PRKN: variants seen among roughly 807,000 people sequenced by gnomAD.
PRKN encodes the protein E3 ubiquitin-protein ligase parkin.
A neutral mutation model predicts 59.5 loss-of-function variants in PRKN; 56 were observed. The observed-to-expected ratio is 0.94, with a 90% CI of 0.76 to 1.18. PRKN has a LOEUF of 1.18. PRKN is among the 50% of genes most tolerant of loss of function. The probability of loss-of-function intolerance (pLI) is 0.00; values close to 1 mark genes in which losing one functional copy is unlikely to be tolerated. For missense variants in PRKN, 657 were observed against 596.4 expected (o/e 1.10, Z -1.06); for synonymous variants, 250 against 222.1 (o/e 1.13, Z -1.12).
At chr6:162,544,771 G>A (rs1180219734) in intron 1 of PRKN, among the ~76,000 whole-genome samples, 12 of 147,870 alleles carry the variant, frequency 8.1e-5, no homozygotes, top group African/African-American at 2.2e-4. Flanking sequence ...TCCGCCTCCC[G>A]GGTTGAAGCC....
At chr6:161,540,167 T>C (rs1220168798) in intron 9 of PRKN, among the ~76,000 whole-genome samples, 2 of 152,280 alleles carry the variant, frequency 1.3e-5, no homozygotes, top group East Asian at 3.9e-4. Flanking sequence ...TCTTCTGACA[T>C]GGAAAACAAA....
At chr6:162,144,235 A>G (rs1022691825) in intron 4 of PRKN, among the ~76,000 whole-genome samples, 4 of 152,198 alleles carry the variant, frequency 2.6e-5, no homozygotes, top group Non-Finnish European at 4.4e-5. Context: ...AGAAAAGCAC[A>G]AATCTCCAAT....
At chr6:162,692,119 A>G (rs2128235257) in intron 1 of PRKN, among the ~76,000 whole-genome samples, 1 of 152,066 alleles carries the variant, frequency 6.6e-6, no homozygotes, top group African/African-American at 2.4e-5. Flanking sequence ...CTATGCCTGC[A>G]CAATGTGCAC....
chr6:161,856,122 G>A (rs192565058), intron 6 of PRKN, among the ~76,000 whole-genome samples: 1 of 152,168 alleles, frequency 6.6e-6, no homozygotes, highest in Non-Finnish European at 1.5e-5. Context: ...CACTTTGGGA[G>A]GCCGAGGTGG....
chr6:162,620,047 A>G (rs919913352), intron 1 of PRKN, among the ~76,000 whole-genome samples: 2 of 55,274 alleles, frequency 3.6e-5, no homozygotes, highest in Non-Finnish European at 6.6e-5. Flanking sequence ...TATCAAATAC[A>G]TATTATTTCT....
At chr6:162,403,082 T>C (rs1787878451) in intron 2 of PRKN, among the ~76,000 whole-genome samples, 2 of 152,172 alleles carry the variant, frequency 1.3e-5, no homozygotes, top group Non-Finnish European at 2.9e-5. Context: ...GATTTATATC[T>C]TTTCCGCCTT....
chr6:162,117,835 G>T (rs796104180), intron 4 of PRKN, among the ~76,000 whole-genome samples: 13 of 152,300 alleles, frequency 8.5e-5, no homozygotes, highest in African/African-American at 3.1e-4. Context: ...GGTGGCTCAT[G>T]CCTATAATCC....
intron 5 of PRKN, among the ~76,000 whole-genome samples, chr6:162,011,210 A>AGT (rs1782652263): frequency 1.2e-5 from 1 of 80,826 alleles, no homozygotes; most frequent in Non-Finnish European, 2.5e-5. Context: ...TATTATATAT[A>AGT]ATATAGTATA....
chr6:162,014,099 T>C (rs547179287), intron 5 of PRKN, among the ~76,000 whole-genome samples: 2 of 152,232 alleles, frequency 1.3e-5, no homozygotes, highest in Non-Finnish European at 2.9e-5. Flanking sequence ...TCCCATTCAG[T>C]TCCTACTCAC....
chr6:161,398,239 CACAGATAGAGAGGAG>C (rs1354443368), intron 9 of PRKN, among the ~76,000 whole-genome samples: 2 of 152,074 alleles, frequency 1.3e-5, no homozygotes, highest in Non-Finnish European at 2.9e-5. Flanking sequence ...AGAGGAGAGT[CACAGATAGAGAGGAG>C]GCTGAAACAG....
At position 161,516,008 on chromosome 6, in the gene PRKN, C is replaced by T. The variant is rs532231840; in HGVS notation, c.1083+32846G>A. Among the ~76,000 whole-genome samples, 11 of 152,264 alleles carry T rather than the reference C, an allele frequency of 7.2e-5. No individual in the cohort carries two copies. In the South Asian group the frequency reaches 2.3e-3, roughly 32 times the overall value. The stretch of plus-strand genomic sequence containing the variant: ...TATCTCAGTGACCTGTAAGTAGTGC[C>T]TATAATTATTAAAAATAACCATCAA... On this transcript the variant is annotated intron_variant, in intron 9 of 11. Transcript: ENST00000366898.
chr6:161,423,893 T>A lies in PRKN; in HGVS notation c.1084-37016A>T, dbSNP rs1788214759. Among the ~76,000 whole-genome samples the A allele has an allele frequency of 6.6e-6, 1 of 152,210 alleles. No homozygotes were observed. Among genetic ancestry groups the A allele is most frequent in the South Asian group, 2.1e-4 (1 of 4,832 alleles). Reference sequence around the variant, plus strand: ...AGATCAGTTAAATGAATGAATATGATCTTTACTATTAGGTTTCTGGTGATT... The same window carrying A: ...AGATCAGTTAAATGAATGAATATGAACTTTACTATTAGGTTTCTGGTGATT... On this transcript the variant is annotated intron_variant, in intron 9 of 11. Transcript: ENST00000366898. This position sits in a 1 kb window ranked among gnomAD's most constrained non-coding sequence, Gnocchi z 5.9.
chr6:161,569,896 T>TG (rs998721844), intron 7 of PRKN, among the ~76,000 whole-genome samples: 1 of 151,954 alleles, frequency 6.6e-6, no homozygotes, highest in Admixed American at 6.6e-5. Flanking sequence ...ATCCATTCTT[T>TG]GGGGGGCTCA....
Position 162,122,716 on chromosome 6 carries a change from T to TTCTATCTATCTA in PRKN, c.535-68554_535-68543dup, listed in dbSNP as rs71544924. ...TTTGGATAGCCTGGGGCTCAATCTG[T>TTCTATCTATCTA]TCTATCTATCTATCTATCTATCTAT... On this transcript the variant is annotated intron_variant, in intron 4 of 11. Transcript: ENST00000366898. 4.5e-3 allele frequency among the ~76,000 whole-genome samples: 669 copies of TTCTATCTATCTA among 147,914 alleles called. 4 individuals are homozygous for TTCTATCTATCTA. Among genetic ancestry groups the TTCTATCTATCTA allele is most frequent in the African/African-American group, 7.3e-3 (289 of 39,802 alleles).
At chr6:161,598,774 C>G (rs951814243) in intron 7 of PRKN, among the ~76,000 whole-genome samples, 3 of 152,194 alleles carry the variant, frequency 2.0e-5, no homozygotes, top group African/African-American at 7.2e-5. Context: ...CTTCTTCCAA[C>G]TATCCTTTTT....
At chr6:162,319,658 T>C (rs1583371546) in intron 2 of PRKN, among the ~76,000 whole-genome samples, 1 of 151,990 alleles carries the variant, frequency 6.6e-6, no homozygotes, top group African/African-American at 2.4e-5. Flanking sequence ...CAAATGAAAA[T>C]AGGCTTGGGA....
In PRKN at chr6:162,637,477, G is replaced by A. The variant is rs1009163598; in HGVS notation, c.7+90185C>T. On this transcript the variant is annotated intron_variant, in intron 1 of 11. Transcript: ENST00000366898. ...TCAAAGTCTTACATGAGAAACCCCTGAGCACAGCTGACAGGAGCTGGACAT... is the reference window on the plus strand; with the variant it reads ...TCAAAGTCTTACATGAGAAACCCCTAAGCACAGCTGACAGGAGCTGGACAT... 4.6e-5 allele frequency among the ~76,000 whole-genome samples: 7 copies of A among 152,214 alleles called. No homozygotes were observed. The East Asian group carries it at 9.7e-4, about 21-fold the overall frequency.
intron 7 of PRKN, among the ~76,000 whole-genome samples, chr6:161,693,430 A>G (rs1233421464): frequency 1.3e-5 from 2 of 152,200 alleles, no homozygotes; most frequent in East Asian, 3.8e-4. Context: ...CCAAGGAATG[A>G]AAGTTGGCAA....
At position 161,410,753 on chromosome 6, in the gene PRKN, T is replaced by C. The variant is rs1004339962; in HGVS notation, c.1084-23876A>G. On this transcript the variant is annotated intron_variant, in intron 9 of 11. Transcript: ENST00000366898. This position sits in a 1 kb window ranked among gnomAD's most constrained non-coding sequence, Gnocchi z 5.3. ...CAACAGTGCCATGGGAAATGCATCA[T>C]TGGTGCTCATGACAACGGCACGCCA... Among the ~76,000 whole-genome samples the C allele has an allele frequency of 2.0e-5, 3 of 152,038 alleles. No homozygotes were observed. The highest frequency in any genetic ancestry group is 2.1e-4 in the South Asian group (1 of 4,826).
Sources: gnomAD v4.1 joint callset for allele counts (sites outside exome capture counted in the v4.1 genomes callset) on GRCh38, gnomAD v4.1.1 for gene constraint, Gnocchi (gnomAD v3.1) non-coding constraint, MANE v1.5 for transcripts, NCBI Gene and HGNC (gene_info 2026-07-23, HGNC 2026-07-21) for gene names.